The following LRRC37A2 variants were observed in gnomAD, a reference collection of about 807,000 sequenced individuals.
LRRC37A2 encodes leucine-rich repeat-containing protein 37A2.
A neutral mutation model predicts 68.8 loss-of-function variants in LRRC37A2; 9 were observed. The ratio of observed to expected loss-of-function variants is 0.13; its 90% CI spans 0.08 to 0.23. The LOEUF is 0.23. Ranked by LOEUF, LRRC37A2 falls within the 10% of genes least tolerant of loss-of-function variation. The probability of loss-of-function intolerance (pLI) is 1.00; values close to 1 mark genes in which losing one functional copy is unlikely to be tolerated. For missense variants in LRRC37A2, 168 were observed against 950.4 expected (o/e 0.18, Z 10.82); for synonymous variants, 63 against 367.6 (o/e 0.17, Z 9.48).
the LRRC37A2 span, among the ~76,000 whole-genome samples, chr17:46,974,640 A>G: frequency 6.6e-6 from 1 of 152,038 alleles, no homozygotes; most frequent in African/African-American, 2.4e-5. Context: ...AGGCTGAGGC[A>G]GGAGGATGGC....
At chr17:46,537,077 ATTTTTTTTTTTTTTTTTTTT>A (rs766255014) in intron 6 of LRRC37A2, among the ~76,000 whole-genome samples, 8 of 34,830 alleles carry the variant, frequency 2.3e-4, no homozygotes, top group African/African-American at 5.9e-4. Context: ...ATTGTGGTCA[ATTTTTTTTTTTTTTTTTTTT>A]TTTTTTTTTG....
At chr17:46,923,209 A>G in the LRRC37A2 span, 176 of 1,550,018 alleles carry the variant, frequency 1.1e-4, 4 homozygotes, top group South Asian at 2.0e-3. Flanking sequence ...CCCCTGTTCC[A>G]GCAAACGCAC....
the LRRC37A2 span, chr17:46,941,389 A>C: frequency 1.0e-6 from 1 of 981,634 alleles, no homozygotes; most frequent in African/African-American, 1.7e-5. Context: ...AGAATTCGAT[A>C]TTCATTTTTA....
chr17:46,839,792 T>C, the LRRC37A2 span, among the ~76,000 whole-genome samples: 207 of 152,230 alleles, frequency 1.4e-3, 1 homozygote, highest in Non-Finnish European at 2.2e-3. Context: ...TTTTCTATCC[T>C]TGTGATAGTT....
the LRRC37A2 span, chr17:46,936,532 C>T: frequency 1.0e-6 from 1 of 985,560 alleles, no homozygotes; most frequent in Non-Finnish European, 1.2e-6. Flanking sequence ...CACACCCTGC[C>T]TCCGTCGGGA....
the LRRC37A2 span, chr17:47,017,681 T>A: frequency 2.8e-5 from 45 of 1,610,874 alleles, no homozygotes; most frequent in Non-Finnish European, 3.6e-5. Context: ...TTGCTGAGAT[T>A]ATTGGAATTA....
chr17:46,689,887 G>GCT, the LRRC37A2 span, among the ~76,000 whole-genome samples: 1 of 151,546 alleles, frequency 6.6e-6, no homozygotes, highest in Non-Finnish European at 1.5e-5. Context: ...GGGTACAGTG[G>GCT]CTCACATTTG....
At chr17:46,610,033 C>CTCTCTCTT in the LRRC37A2 span, among the ~76,000 whole-genome samples, 1 of 91,122 alleles carries the variant, frequency 1.1e-5, no homozygotes, top group African/African-American at 3.7e-5. Context: ...TTCTTTCTCT[C>CTCTCTCTT]TCTCTCTCTC....
the LRRC37A2 span, among the ~76,000 whole-genome samples, chr17:47,022,187 C>A: frequency 3.0e-4 from 1 of 3,326 alleles, no homozygotes; most frequent in Non-Finnish European, 1.8e-3. Context: ...TTTTTTTTTC[C>A]AGAGACAGGT....
the LRRC37A2 span, among the ~76,000 whole-genome samples, chr17:46,882,856 C>T: frequency 6.6e-6 from 1 of 152,172 alleles, no homozygotes; most frequent in South Asian, 2.1e-4. Flanking sequence ...AGATGGCTGG[C>T]ATGCACGGTG....
chr17:46,916,655 T>C, the LRRC37A2 span: 2 of 152,222 alleles, frequency 1.3e-5, no homozygotes, highest in African/African-American at 2.4e-5. Flanking sequence ...TTGTGCAGCA[T>C]CATGAGTAAT....
chr17:47,036,335 T>C, the LRRC37A2 span, among the ~76,000 whole-genome samples: 499 of 152,238 alleles, frequency 3.3e-3, 2 homozygotes, highest in African/African-American at 0.011. Flanking sequence ...CTTCAGCTAG[T>C]AATACTTCAT....
the LRRC37A2 span, among the ~76,000 whole-genome samples, chr17:46,719,571 G>A: frequency 2.6e-5 from 4 of 152,192 alleles, no homozygotes; most frequent in African/African-American, 9.6e-5. This position sits in a 1 kb window ranked among gnomAD's most constrained non-coding sequence, Gnocchi z 4.3. Flanking sequence ...GTTCTGGGGG[G>A]TATACCATAT....
At chr17:46,790,846 C>T in the LRRC37A2 span, among the ~76,000 whole-genome samples, 2 of 152,220 alleles carry the variant, frequency 1.3e-5, no homozygotes, top group South Asian at 2.1e-4. Flanking sequence ...GTTTTATGTG[C>T]GTTCCAAAAC....
the LRRC37A2 span, among the ~76,000 whole-genome samples, chr17:46,970,386 C>CA: frequency 6.6e-6 from 1 of 151,976 alleles, no homozygotes; most frequent in Non-Finnish European, 1.5e-5. Context: ...ACTAAAAATG[C>CA]AAAAATTAGC....
the LRRC37A2 span, among the ~76,000 whole-genome samples, chr17:46,501,185 T>C: frequency 5.9e-5 from 9 of 151,302 alleles, no homozygotes; most frequent in African/African-American, 1.2e-4. Context: ...CCCAGCTATA[T>C]TGACTTGTTT....
the LRRC37A2 span, among the ~76,000 whole-genome samples, chr17:47,046,209 T>C: frequency 7.6e-6 from 1 of 131,898 alleles, no homozygotes; most frequent in African/African-American, 2.8e-5. Flanking sequence ...CTGGGCATGG[T>C]GGTGCAAGCC....
the LRRC37A2 span, chr17:47,018,588 T>C: frequency 6.6e-7 from 1 of 1,520,188 alleles, no homozygotes; most frequent in African/African-American, 1.4e-5. Flanking sequence ...TCCAGAGTCA[T>C]CGGAAGAAGC....
the LRRC37A2 span, among the ~76,000 whole-genome samples, chr17:46,977,611 G>A: frequency 6.6e-6 from 1 of 152,216 alleles, no homozygotes; most frequent in Non-Finnish European, 1.5e-5. Context: ...TGCGTTTGGA[G>A]GCCATTTTCT....
Sources: allele counts gnomAD v4.1 joint callset (sites outside exome capture counted in the v4.1 genomes callset), GRCh38; gene constraint gnomAD v4.1.1; non-coding constraint Gnocchi (gnomAD v3.1); transcripts MANE v1.5; gene names NCBI Gene and HGNC (gene_info 2026-07-23, HGNC 2026-07-21).